KDM4C: variants seen among roughly 807,000 people sequenced by gnomAD.
KDM4C encodes the protein lysine-specific demethylase 4C.
A neutral mutation model predicts 129.3 loss-of-function variants in KDM4C; 81 were observed. The observed-to-expected ratio is 0.63, with a 90% confidence interval of 0.52 to 0.75. The LOEUF is 0.75. Among genes scored for constraint, KDM4C ranks in the 30% least tolerant of loss-of-function variants. KDM4C has a pLI of 0.00. For missense variants in KDM4C, 1,457 were observed against 1,304.0 expected (o/e 1.12, Z -1.81); for synonymous variants, 573 against 456.1 (o/e 1.26, Z -3.26).
At chr9:7,053,444 G>A (rs1830480541) in intron 17 of KDM4C, among the ~76,000 whole-genome samples, 1 of 152,132 alleles carries the variant, frequency 6.6e-6, no homozygotes, top group African/African-American at 2.4e-5. Context: ...GCCTTTTGGT[G>A]CTCTTCTGTG....
At chr9:7,138,304 T>C (rs1159094013) in intron 19 of KDM4C, among the ~76,000 whole-genome samples, 3 of 152,210 alleles carry the variant, frequency 2.0e-5, no homozygotes, top group African/African-American at 7.2e-5. Flanking sequence ...TATCATCTAA[T>C]TTTTTGCCTT....
chr9:6,779,804 G>C (rs1336095699), intron 1 of KDM4C, among the ~76,000 whole-genome samples: 3 of 152,158 alleles, frequency 2.0e-5, no homozygotes, highest in African/African-American at 7.2e-5. Flanking sequence ...TGGGAAACCT[G>C]CTGTTTTACA....
At chr9:7,082,690 C>T (rs1280626966) in intron 17 of KDM4C, among the ~76,000 whole-genome samples, 1 of 152,138 alleles carries the variant, frequency 6.6e-6, no homozygotes. Flanking sequence ...TCACGCGTGG[C>T]TCCAAATCCC....
At chr9:6,749,780 A>T (rs553409444) in intron 1 of KDM4C, among the ~76,000 whole-genome samples, 9 of 151,578 alleles carry the variant, frequency 5.9e-5, no homozygotes, top group Non-Finnish European at 1.3e-4. Context: ...TTAGGTCAGG[A>T]GTTCGAGGCC....
At chr9:7,030,603 A>G (rs927997708) in intron 15 of KDM4C, among the ~76,000 whole-genome samples, 11 of 152,240 alleles carry the variant, frequency 7.2e-5, no homozygotes, top group Admixed American at 7.2e-4. Context: ...CAATTATGCT[A>G]TGAACTTAAA....
intron 8 of KDM4C, among the ~76,000 whole-genome samples, chr9:6,961,540 A>G (rs1017644138): frequency 6.6e-6 from 1 of 152,230 alleles, no homozygotes; most frequent in African/African-American, 2.4e-5. Flanking sequence ...ATCAGACAGA[A>G]TATAGTATTT....
Position 6,850,599 on chromosome 9 carries a change from T to G in KDM4C, c.629+899T>G, listed in dbSNP as rs151003612. 8.6e-3 allele frequency among the ~76,000 whole-genome samples: 1,308 copies of G among 151,610 alleles called. 12 individuals are homozygous for G. The highest frequency in any genetic ancestry group is 0.026 in the African/African-American group (1,080 of 41,372). ...TATCTGGGATTAGAGGCCCAGCTAATTTTTTGTATTTTAGTAGAGACAGGG... is the reference window on the plus strand; with the variant it reads ...TATCTGGGATTAGAGGCCCAGCTAAGTTTTTGTATTTTAGTAGAGACAGGG... On this transcript the variant is annotated intron_variant, in intron 5 of 21. Transcript: ENST00000381309.
At chr9:7,057,757 C>T (rs188238912) in intron 17 of KDM4C, among the ~76,000 whole-genome samples, 17 of 152,226 alleles carry the variant, frequency 1.1e-4, no homozygotes, top group African/African-American at 3.4e-4. Context: ...CTGTCATCTC[C>T]GAGGGAGCAG....
rs937865902 is a variant in KDM4C, at chr9:7,095,304, G to A, written c.2425-8381G>A. Among the ~76,000 whole-genome samples, 3 of 152,208 alleles carry A rather than the reference G, an allele frequency of 2.0e-5. No homozygotes were observed. The South Asian group carries it at 6.2e-4, about 32-fold the overall frequency. On this transcript the variant is annotated intron_variant, in intron 17 of 21. Coordinates refer to ENST00000381309, the MANE Select transcript of KDM4C (RefSeq NM_015061.6). ...GAAAAAACGTCAGCAAACCACAGCT[G>A]CAACCTTTCATGCTGTTGGATATTT...
At chr9:6,742,304 A>G (rs116557442) in intron 1 of KDM4C, among the ~76,000 whole-genome samples, 1,534 of 152,166 alleles carry the variant, frequency 0.01, 23 homozygotes, top group African/African-American at 0.035. Flanking sequence ...GCAATACATT[A>G]TCTTTCCCTG....
intron 8 of KDM4C, among the ~76,000 whole-genome samples, chr9:6,917,718 T>C (rs1820581379): frequency 1.3e-5 from 2 of 152,182 alleles, no homozygotes; most frequent in Admixed American, 1.3e-4. Context: ...TTGTCTTGCT[T>C]CTCATCTCAT....
chr9:6,993,609 G>C (rs1329102542), intron 12 of KDM4C, among the ~76,000 whole-genome samples: 1 of 152,186 alleles, frequency 6.6e-6, no homozygotes, highest in African/African-American at 2.4e-5. Flanking sequence ...TAGAGAAGGA[G>C]GATGTGTATG....
intron 8 of KDM4C, among the ~76,000 whole-genome samples, chr9:6,927,698 C>T (rs2131275167): frequency 6.6e-6 from 1 of 152,292 alleles, no homozygotes; most frequent in East Asian, 1.9e-4. Flanking sequence ...GTTTTTTCAT[C>T]TACGTATCAA....
chr9:7,144,796 G>A (rs1054881324), intron 19 of KDM4C, among the ~76,000 whole-genome samples: 16 of 152,258 alleles, frequency 1.1e-4, no homozygotes, highest in African/African-American at 3.6e-4. Context: ...ACTGTAAGAC[G>A]TGGCATGCCA....
At chr9:7,081,122 A>G (rs946587730) in intron 17 of KDM4C, among the ~76,000 whole-genome samples, 1 of 152,228 alleles carries the variant, frequency 6.6e-6, no homozygotes, top group Non-Finnish European at 1.5e-5. Context: ...AAGGCTGAGT[A>G]ACTGATCTTC....
chr9:7,148,178 G>A lies in KDM4C; in HGVS notation c.2782-17060G>A, dbSNP rs544994336. On this transcript the variant is annotated intron_variant, in intron 19 of 21. Coordinates refer to ENST00000381309, the MANE Select transcript of KDM4C (RefSeq NM_015061.6). ...ATCAGCATCCGGACAAGGGGAACAT[G>A]GTGGCGCCCAAAAGCTTGGAGACGC... Among the ~76,000 whole-genome samples, 3 of 152,376 alleles carry A rather than the reference G, an allele frequency of 2.0e-5. No individual in the cohort carries two copies. The South Asian group carries it at 6.2e-4, about 32-fold the overall frequency.
At chr9:7,071,953 T>G (rs1263463177) in intron 17 of KDM4C, among the ~76,000 whole-genome samples, 1 of 152,232 alleles carries the variant, frequency 6.6e-6, no homozygotes, top group Middle Eastern at 3.4e-3. Flanking sequence ...TATAAAGAAC[T>G]CTTGACACTC....
At chr9:6,751,158 A>G (rs1818052064) in intron 1 of KDM4C, among the ~76,000 whole-genome samples, 4 of 152,168 alleles carry the variant, frequency 2.6e-5, no homozygotes. Flanking sequence ...TCAAAAGATC[A>G]GCCTAGGCCG....
intron 5 of KDM4C, among the ~76,000 whole-genome samples, chr9:6,870,180 C>A (rs1842640030): frequency 6.6e-6 from 1 of 152,136 alleles, no homozygotes; most frequent in African/African-American, 2.4e-5. Context: ...CTGAAAAAAA[C>A]AACCACTTCA....
Sources: allele counts gnomAD v4.1 joint callset (sites outside exome capture counted in the v4.1 genomes callset), GRCh38; gene constraint gnomAD v4.1.1; transcripts MANE v1.5; gene names NCBI Gene and HGNC (gene_info 2026-07-23, HGNC 2026-07-21).